Variants in KLF8 observed in about 807,000 individuals in gnomAD.
KLF8 encodes Krueppel-like factor 8.
A neutral mutation model predicts 18.2 loss-of-function variants in KLF8; 10 were observed. The observed-to-expected ratio is 0.55, with a 90% CI of 0.34 to 0.93. The LOEUF (loss-of-function observed/expected upper bound fraction) is 0.93. Ranked by LOEUF, KLF8 falls within the 40% of genes least tolerant of loss-of-function variation. The pLI is 0.02. For synonymous variants in KLF8, 109 were observed against 97.3 expected, an observed-to-expected ratio of 1.12 and a Z score of -0.71; for missense variants, 264 against 277.9, an observed-to-expected ratio of 0.95 and a Z score of 0.36.
At chrX:56,270,562 T>C (rs1453013278) in intron 5 of KLF8, among the ~76,000 whole-genome samples, 1 of 111,220 alleles carries the variant, frequency 9.0e-6, no homozygotes, top group African/African-American at 3.3e-5. Flanking sequence ...AGGCAGATTT[T>C]ATAAAACTGG....
chrX:56,155,237 A>G, the KLF8 span, among the ~76,000 whole-genome samples: 1 of 112,156 alleles, frequency 8.9e-6, no homozygotes, highest in South Asian at 3.7e-4. Context: ...TGGATTAAGA[A>G]AATGTGGCAC....
the KLF8 span, among the ~76,000 whole-genome samples, chrX:55,938,106 G>A: frequency 9.0e-6 from 1 of 111,593 alleles, no homozygotes; most frequent in African/African-American, 3.3e-5. Flanking sequence ...AGGAAAAAAT[G>A]TTAAGGGCAG....
At chrX:56,183,354 C>T in the KLF8 span, among the ~76,000 whole-genome samples, 8 of 111,995 alleles carry the variant, frequency 7.1e-5, no homozygotes, top group Admixed American at 9.5e-5. Context: ...CCTGATTTTC[C>T]AGATACTGTC....
the KLF8 span, among the ~76,000 whole-genome samples, chrX:56,209,744 A>T: frequency 9.1e-6 from 1 of 110,367 alleles, no homozygotes; most frequent in Non-Finnish European, 1.9e-5. Context: ...TTATCTAGTG[A>T]ATGTGATTTT....
At chrX:56,270,381 C>CACAA in intron 5 of KLF8, 60 bp downstream of exon 5, 1 of 779,219 alleles carries the variant, frequency 1.3e-6, no homozygotes, top group Non-Finnish European at 1.6e-6. Context: ...CACACACACA[C>CACAA]GAGAGAGAGA....
At chrX:56,213,891 A>C in the KLF8 span, among the ~76,000 whole-genome samples, 2 of 111,470 alleles carry the variant, frequency 1.8e-5, no homozygotes, top group Non-Finnish European at 3.8e-5. Context: ...GCATCCAGGA[A>C]AAATCAGGTC....
the KLF8 span, among the ~76,000 whole-genome samples, chrX:56,196,202 T>C: frequency 9.0e-6 from 1 of 111,154 alleles, no homozygotes. Flanking sequence ...ACTAACATCA[T>C]AATGACAGGA....
At chrX:56,206,988 C>A in the KLF8 span, among the ~76,000 whole-genome samples, 1 of 112,908 alleles carries the variant, frequency 8.9e-6, no homozygotes, top group Non-Finnish European at 1.9e-5. Flanking sequence ...CACATGGAAG[C>A]TGCCAAGGCT....
chrX:56,098,502 T>C, the KLF8 span, among the ~76,000 whole-genome samples: 1 of 111,717 alleles, frequency 9.0e-6, no homozygotes, highest in Non-Finnish European at 1.9e-5. Context: ...TCTCAATGGA[T>C]GCAGAAATGA....
At chrX:56,097,415 T>C in the KLF8 span, among the ~76,000 whole-genome samples, 1 of 105,835 alleles carries the variant, frequency 9.4e-6, no homozygotes, top group African/African-American at 3.5e-5. Context: ...CTGCAGCCTT[T>C]ACTTCTGGGG....
At chrX:56,034,222 C>T in the KLF8 span, among the ~76,000 whole-genome samples, 1 of 112,119 alleles carries the variant, frequency 8.9e-6, no homozygotes, top group Non-Finnish European at 1.9e-5. Flanking sequence ...CAATTTCATT[C>T]TTCGGCATAT....
chrX:55,961,386 T>A, the KLF8 span: 105 of 487,605 alleles, frequency 2.2e-4, no homozygotes, highest in South Asian at 2.4e-3. Flanking sequence ...AAAAGATGAA[T>A]CTGGGAGTTT....
the KLF8 span, among the ~76,000 whole-genome samples, chrX:55,998,669 C>A: frequency 9.0e-5 from 10 of 111,540 alleles, no homozygotes; most frequent in South Asian, 7.5e-4. Context: ...ATGGAGTCTC[C>A]CATGTCTACT....
At chrX:56,229,385 G>A (rs749722969), upstream of KLF8, among the ~76,000 whole-genome samples, 1 of 111,949 alleles carries the variant, frequency 8.9e-6, no homozygotes, top group Non-Finnish European at 1.9e-5. Flanking sequence ...TCTCCCTCAC[G>A]CATAAGGTGG....
the KLF8 span, among the ~76,000 whole-genome samples, chrX:56,130,698 T>C: frequency 8.9e-6 from 1 of 111,901 alleles, no homozygotes; most frequent in South Asian, 3.7e-4. Context: ...CTGTCAATTA[T>C]TAAGCTAATC....
the KLF8 span, among the ~76,000 whole-genome samples, chrX:56,189,005 C>CA: frequency 9.0e-6 from 1 of 111,318 alleles, no homozygotes; most frequent in Non-Finnish European, 1.9e-5. Flanking sequence ...GCAACAAAAG[C>CA]AAAAATTGAC....
chrX:55,948,428 T>G, the KLF8 span, among the ~76,000 whole-genome samples: 10 of 112,093 alleles, frequency 8.9e-5, no homozygotes, highest in Non-Finnish European at 1.5e-4. Context: ...ACTCCTGTTG[T>G]AGAAGATCAT....
chrX:56,247,182 CA>C (rs2066632898), intron 1 of KLF8, among the ~76,000 whole-genome samples: 1 of 112,029 alleles, frequency 8.9e-6, no homozygotes, highest in Admixed American at 9.5e-5. Flanking sequence ...TCCTAGGCTA[CA>C]AACTTCTATA....
At chrX:56,093,095 C>T in the KLF8 span, among the ~76,000 whole-genome samples, 4 of 108,451 alleles carry the variant, frequency 3.7e-5, no homozygotes, top group East Asian at 5.7e-4. Context: ...TAAAAATATC[C>T]GAAGCAGAAA....
Sources: gnomAD v4.1 joint callset for allele counts (sites outside exome capture counted in the v4.1 genomes callset) on GRCh38, gnomAD v4.1.1 for gene constraint, MANE v1.5 for transcripts, NCBI Gene and HGNC (gene_info 2026-07-23, HGNC 2026-07-21) for gene names.